The following GPM6A variants were observed in gnomAD, a reference collection of about 807,000 sequenced individuals.
GPM6A encodes glycoprotein M6A, also known as neuronal membrane glycoprotein M6-a.
A neutral mutation model predicts 32.1 loss-of-function variants in GPM6A; 7 were observed. That is an observed-to-expected ratio of 0.22 (90% confidence interval 0.12 to 0.41). GPM6A has a LOEUF of 0.41. Among genes scored for constraint, GPM6A ranks in the 10% least tolerant of loss-of-function variants. The pLI is 1.00. For missense variants in GPM6A, 235 were observed against 347.2 expected (o/e 0.68, Z 2.57); for synonymous variants, 130 against 123.4 (o/e 1.05, Z -0.35).
chr4:175,906,230 AT>A (rs1738127475), intron 1 of GPM6A, among the ~76,000 whole-genome samples: 1 of 152,148 alleles, frequency 6.6e-6, no homozygotes, highest in South Asian at 2.1e-4. Context: ...TCATCACTGA[AT>A]TTTGATTGTA....
chr4:175,712,893 G>GA (rs1381005122), intron 1 of GPM6A, among the ~76,000 whole-genome samples: 1 of 152,154 alleles, frequency 6.6e-6, no homozygotes, highest in African/African-American at 2.4e-5. Flanking sequence ...GCACCTTTTA[G>GA]AAAAATTCCC....
chr4:175,818,692 C>G (rs1735186305), intron 1 of GPM6A, among the ~76,000 whole-genome samples: 1 of 152,220 alleles, frequency 6.6e-6, no homozygotes, highest in Admixed American at 6.5e-5. Context: ...TTATGTTTAT[C>G]TGCTTCCACA....
At chr4:175,928,568 G>T (rs1263383985) in intron 1 of GPM6A, among the ~76,000 whole-genome samples, 1 of 152,152 alleles carries the variant, frequency 6.6e-6, no homozygotes, top group African/African-American at 2.4e-5. Flanking sequence ...CACAAAAGAG[G>T]AGTGTATTGC....
chr4:175,675,797 G>T (rs1310880717), intron 2 of GPM6A, among the ~76,000 whole-genome samples: 1 of 152,042 alleles, frequency 6.6e-6, no homozygotes, highest in Non-Finnish European at 1.5e-5. Flanking sequence ...CTAGAGGTGT[G>T]CACCACCATG....
At position 175,647,131 on chromosome 4, in the gene GPM6A, G is replaced by C. The variant is rs147610099; in HGVS notation, c.541+4703C>G. On this transcript the variant is annotated intron_variant, in intron 4 of 6. Transcript: ENST00000393658. The stretch of plus-strand genomic sequence containing the variant: ...AATAAGATAAAAACAAGCTGCTCTC[G>C]CTAACATGCGTGGGTGTGCTGAATA... Among the ~76,000 whole-genome samples, 1,453 of 152,318 alleles carry C rather than the reference G, an allele frequency of 9.5e-3. 25 individuals carry two copies. Among genetic ancestry groups the C allele is most frequent in the African/African-American group, 0.033 (1,385 of 41,576 alleles).
intron 1 of GPM6A, among the ~76,000 whole-genome samples, chr4:175,908,035 G>A (rs1404211666): frequency 6.6e-6 from 1 of 152,132 alleles, no homozygotes; most frequent in Admixed American, 6.6e-5. Flanking sequence ...ATAAGTGAAT[G>A]TAAAGACTGA....
intron 1 of GPM6A, among the ~76,000 whole-genome samples, chr4:175,933,426 C>A (rs1739117261): frequency 6.6e-6 from 1 of 152,116 alleles, no homozygotes; most frequent in Admixed American, 6.5e-5. Context: ...TTTTGGAAAA[C>A]AGTGCAGCAG....
At chr4:175,913,738 A>C (rs1738395523) in intron 1 of GPM6A, among the ~76,000 whole-genome samples, 1 of 152,070 alleles carries the variant, frequency 6.6e-6, no homozygotes. Context: ...CTTTGCCAAA[A>C]CGTCACTTTC....
intron 1 of GPM6A, among the ~76,000 whole-genome samples, chr4:175,712,533 T>C (rs935222357): frequency 2.0e-5 from 3 of 152,244 alleles, no homozygotes; most frequent in Admixed American, 6.5e-5. Context: ...TGAAAACTTG[T>C]AACAATTCGA....
chr4:175,659,272 G>A lies in GPM6A; in HGVS notation c.388-7285C>T, dbSNP rs1303487699. Among the ~76,000 whole-genome samples the A allele has an allele frequency of 4.6e-5, 7 of 152,038 alleles. No homozygotes were observed. In the East Asian group the frequency reaches 1.4e-3, roughly 29 times the overall value. On this transcript the variant is annotated intron_variant, in intron 3 of 6. Coordinates refer to ENST00000393658, the MANE Select transcript of GPM6A (RefSeq NM_201591.3). ...TAATTTTTTGTGTAGTAGAGACGCG[G>A]TTTCACCATGTTGCCCAGGCTGGTC...
intron 1 of GPM6A, among the ~76,000 whole-genome samples, chr4:175,757,304 C>T (rs1732565642): frequency 6.6e-6 from 1 of 152,054 alleles, no homozygotes; most frequent in Non-Finnish European, 1.5e-5. Context: ...AATGAATCAC[C>T]TTGGAAGTGG....
At chr4:175,946,359 C>T (rs903669855) in intron 1 of GPM6A, among the ~76,000 whole-genome samples, 2 of 152,152 alleles carry the variant, frequency 1.3e-5, no homozygotes, top group Non-Finnish European at 2.9e-5. Context: ...AAGCACCTGC[C>T]TTGTGTGAAG....
At chr4:175,975,963 C>G (rs1740643851) in intron 1 of GPM6A, among the ~76,000 whole-genome samples, 1 of 131,150 alleles carries the variant, frequency 7.6e-6, no homozygotes, top group Non-Finnish European at 1.6e-5. Context: ...TAGTGGCTTT[C>G]AAGGCTTTTG....
At chr4:175,704,363 C>T (rs567017443) in intron 1 of GPM6A, among the ~76,000 whole-genome samples, 6 of 151,956 alleles carry the variant, frequency 3.9e-5, no homozygotes, top group African/African-American at 1.4e-4. Flanking sequence ...GCCCCCCCAC[C>T]CCACACACAC....
intron 1 of GPM6A, among the ~76,000 whole-genome samples, chr4:175,836,892 C>T (rs1735786187): frequency 6.6e-6 from 1 of 152,118 alleles, no homozygotes; most frequent in Admixed American, 6.6e-5. Context: ...CCAGGCATAG[C>T]AGGGAGAATA....
chr4:175,735,390 G>A (rs1210711455), intron 1 of GPM6A, among the ~76,000 whole-genome samples: 4 of 152,150 alleles, frequency 2.6e-5, no homozygotes. Context: ...TTGTTATTAA[G>A]TGGTCCATTC....
At chr4:175,897,359 C>A (rs1737827626) in intron 1 of GPM6A, among the ~76,000 whole-genome samples, 2 of 152,130 alleles carry the variant, frequency 1.3e-5, no homozygotes, top group Admixed American at 1.3e-4. Context: ...AATCTCACTC[C>A]AGTGCCTCCC....
intron 1 of GPM6A, among the ~76,000 whole-genome samples, chr4:175,993,118 C>T (rs1191011811): frequency 6.6e-6 from 1 of 150,876 alleles, no homozygotes; most frequent in African/African-American, 2.4e-5. Context: ...TTTCCTCCCA[C>T]CCTCCCTCCT....
At chr4:175,925,785 T>C (rs1024784825) in intron 1 of GPM6A, among the ~76,000 whole-genome samples, 4 of 152,032 alleles carry the variant, frequency 2.6e-5, no homozygotes, top group Non-Finnish European at 5.9e-5. Flanking sequence ...GCTGTAGTTG[T>C]CAAAATTTAC....
Sources: gnomAD v4.1 joint callset for allele counts (sites outside exome capture counted in the v4.1 genomes callset) on GRCh38, gnomAD v4.1.1 for gene constraint, MANE v1.5 for transcripts, NCBI Gene and HGNC (gene_info 2026-07-23, HGNC 2026-07-21) for gene names.